Variants in DNAJC1 observed in about 807,000 individuals in gnomAD.
The protein encoded by DNAJC1 is dnaJ homolog subfamily C member 1.
Under a neutral mutation model 76.6 loss-of-function variants are expected in DNAJC1, and 58 were observed. That is an observed-to-expected ratio of 0.76 (90% CI 0.61 to 0.94). The LOEUF (loss-of-function observed/expected upper bound fraction) is 0.94. Among genes scored for constraint, DNAJC1 ranks in the 40% least tolerant of loss-of-function variants. The probability of loss-of-function intolerance (pLI) is 0.00; values close to 1 mark genes in which losing one functional copy is unlikely to be tolerated. For missense variants in DNAJC1, 689 were observed against 677.3 expected (o/e 1.02, Z -0.19); for synonymous variants, 258 against 267.9 (o/e 0.96, Z 0.36).
At chr10:21,879,650 T>A (rs1028834860) in intron 8 of DNAJC1, among the ~76,000 whole-genome samples, 3 of 152,120 alleles carry the variant, frequency 2.0e-5, no homozygotes, top group Admixed American at 6.6e-5. Flanking sequence ...TTTAAAAAAA[T>A]GTTTAAAACT....
Position 21,762,109 on chromosome 10 carries a change from T to C in DNAJC1, c.1148-2491A>G, listed in dbSNP as rs892560102. On this transcript the variant is annotated intron_variant, in intron 10 of 11. Coordinates refer to ENST00000376980, the MANE Select transcript of DNAJC1 (RefSeq NM_022365.4). ...ACGCGCCACCATGCCCAGCTAATTTTTGTATTTATAGAACAGACGAGGTTT... is the reference window on the plus strand; with the variant it reads ...ACGCGCCACCATGCCCAGCTAATTTCTGTATTTATAGAACAGACGAGGTTT... 4.6e-5 allele frequency among the ~76,000 whole-genome samples: 7 copies of C among 152,146 alleles called. No individual in the cohort carries two copies. In the East Asian group the frequency reaches 1.2e-3, roughly 25 times the overall value.
At chr10:21,799,530 T>G (rs1323025225) in intron 9 of DNAJC1, among the ~76,000 whole-genome samples, 2 of 152,172 alleles carry the variant, frequency 1.3e-5, no homozygotes, top group African/African-American at 2.4e-5. Context: ...CGCAAACTTC[T>G]GGTCCCAGGT....
intron 3 of DNAJC1, among the ~76,000 whole-genome samples, chr10:21,923,097 T>C (rs1837063802): frequency 6.6e-6 from 1 of 151,900 alleles, no homozygotes; most frequent in Non-Finnish European, 1.5e-5. Context: ...GGTGTACAAA[T>C]TCAAGATAGC....
At chr10:21,837,263 C>T (rs961667451) in intron 8 of DNAJC1, among the ~76,000 whole-genome samples, 10 of 152,128 alleles carry the variant, frequency 6.6e-5, no homozygotes, top group Non-Finnish European at 8.8e-5. Context: ...GCTCGCTACA[C>T]CCTCCACCTC....
intron 7 of DNAJC1, among the ~76,000 whole-genome samples, chr10:21,883,373 T>C (rs1213225666): frequency 6.6e-6 from 1 of 151,824 alleles, no homozygotes; most frequent in African/African-American, 2.4e-5. Context: ...CATAAGAGTA[T>C]TTTCACCACC....
chr10:21,881,844 TAAAAAAAAAAA>T (rs1002377641), intron 8 of DNAJC1, among the ~76,000 whole-genome samples: 1 of 55,414 alleles, frequency 1.8e-5, no homozygotes, highest in South Asian at 6.2e-4. Context: ...CCTCAATTTG[TAAAAAAAAAAA>T]AAAAAAAAAA....
In DNAJC1 at chr10:21,882,347, T is replaced by C. The variant is rs1836296391; in HGVS notation, c.913A>G (p.Ile305Val). Residue 305 changes from isoleucine to valine, a missense_variant, in exon 8 of 12, where the codon ATA (isoleucine) becomes GTA (valine). Transcript: ENST00000376980. ...YIQSYDHGTS[I>V]EEIEEQMDDW... is the part of the protein sequence containing the mutation. ...TCCATTTGTTCCTCAATTTCTTCTA[T>C]GGAAGTTCCATGATCATAAGACTGA... The C allele has an allele frequency of 2.5e-6, 4 of 1,604,406 alleles. No individual in the cohort carries two copies. The highest frequency in any genetic ancestry group is 3.4e-6 in the Non-Finnish European group (4 of 1,176,896).
chr10:21,832,175 T>C (rs1835368144), intron 8 of DNAJC1, among the ~76,000 whole-genome samples: 1 of 152,216 alleles, frequency 6.6e-6, no homozygotes, highest in South Asian at 2.1e-4. Flanking sequence ...CGTTTTGCCA[T>C]ATTTGTTTTA....
chr10:21,834,448 C>A (rs897219806), intron 8 of DNAJC1, among the ~76,000 whole-genome samples: 2 of 152,164 alleles, frequency 1.3e-5, no homozygotes, highest in Admixed American at 1.3e-4. Flanking sequence ...GGGTTCATCT[C>A]ACTGGGGAGT....
At chr10:21,773,068 A>C (rs4748768) in intron 9 of DNAJC1, among the ~76,000 whole-genome samples, 2 of 151,906 alleles carry the variant, frequency 1.3e-5, no homozygotes, top group Admixed American at 6.6e-5. Context: ...CACCTCCCAC[A>C]AGGACCCACC....
At chr10:21,981,121 T>C (rs1019724671) in intron 1 of DNAJC1, among the ~76,000 whole-genome samples, 4 of 152,200 alleles carry the variant, frequency 2.6e-5, no homozygotes, top group African/African-American at 9.6e-5. Flanking sequence ...TAATTCAGCA[T>C]GTAAACAACT....
chr10:21,785,296 C>A (rs1233745342), intron 9 of DNAJC1: 2 of 152,202 alleles, frequency 1.3e-5, no homozygotes, highest in Non-Finnish European at 1.5e-5. Flanking sequence ...CAGTGTGCAT[C>A]AGATGTATCT....
chr10:21,778,684 G>A (rs1433779419), intron 9 of DNAJC1, among the ~76,000 whole-genome samples: 1 of 152,206 alleles, frequency 6.6e-6, no homozygotes, highest in Admixed American at 6.5e-5. Flanking sequence ...GAGAAGACGG[G>A]TGATTTCTGC....
rs770428493 is a variant in DNAJC1, at chr10:21,756,660, G to A, written c.*27C>T. The A allele has an allele frequency of 6.4e-7, 1 of 1,559,160 alleles. No homozygotes were observed. Among genetic ancestry groups the A allele is most frequent in the Non-Finnish European group, 8.8e-7 (1 of 1,131,202 alleles). On this transcript the variant is annotated 3_prime_UTR_variant, in exon 12 of 12. Coordinates refer to ENST00000376980, the MANE Select transcript of DNAJC1 (RefSeq NM_022365.4). Reference sequence around the variant, plus strand: ...TTTTAAGATATTCATTTTGGAAAATGAAGGTGAACATCATCTCCCAGAATA... The same window carrying A: ...TTTTAAGATATTCATTTTGGAAAATAAAGGTGAACATCATCTCCCAGAATA...
intron 8 of DNAJC1, among the ~76,000 whole-genome samples, chr10:21,825,947 CAT>C (rs1564799031): frequency 6.6e-6 from 1 of 152,046 alleles, no homozygotes; most frequent in East Asian, 1.9e-4. Context: ...TGATAGAAAA[CAT>C]ATCGACCAGC....
intron 1 of DNAJC1, among the ~76,000 whole-genome samples, chr10:21,931,651 G>C (rs2131783443): frequency 6.6e-6 from 1 of 152,226 alleles, no homozygotes; most frequent in Non-Finnish European, 1.5e-5. Context: ...AAACTATATG[G>C]AACATGTCCA....
chr10:21,985,147 A>T (rs1433654283), intron 1 of DNAJC1, among the ~76,000 whole-genome samples: 2 of 152,090 alleles, frequency 1.3e-5, no homozygotes, highest in African/African-American at 4.8e-5. Flanking sequence ...GAGTTGTGCA[A>T]CCATCACCAA....
intron 8 of DNAJC1, among the ~76,000 whole-genome samples, chr10:21,837,843 T>C (rs2666774): frequency 0.8 from 83,979 of 104,584 alleles, 34,669 homozygotes; most frequent in East Asian, 0.97. Flanking sequence ...AGCCCCCGCC[T>C]GGCCAGCCGC....
chr10:21,900,558 C>T (rs1172918738), intron 7 of DNAJC1, among the ~76,000 whole-genome samples: 26 of 152,074 alleles, frequency 1.7e-4, no homozygotes, highest in Admixed American at 1.4e-3. Flanking sequence ...AAATTTCACA[C>T]TTCCATTGGT....
Sources: allele counts gnomAD v4.1 joint callset (sites outside exome capture counted in the v4.1 genomes callset), GRCh38; gene constraint gnomAD v4.1.1; transcripts MANE v1.5; gene names NCBI Gene and HGNC (gene_info 2026-07-23, HGNC 2026-07-21).